SLC14A2: variants seen among roughly 807,000 people sequenced by gnomAD.
SLC14A2 encodes urea transporter 2.
A neutral mutation model predicts 104.6 loss-of-function variants in SLC14A2; 91 were observed. The observed-to-expected ratio is 0.87, with a 90% CI of 0.73 to 1.04. The LOEUF is 1.04. Among genes scored for constraint, SLC14A2 ranks in the 50% least tolerant of loss-of-function variants. SLC14A2 has a pLI of 0.00. For synonymous variants in SLC14A2, 476 were observed against 466.4 expected (o/e 1.02, Z -0.27); for missense variants, 1,189 against 1,156.0 (o/e 1.03, Z -0.41).
chr18:45,455,471 A>G (rs1184880024), intron 1 of SLC14A2, among the ~76,000 whole-genome samples: 1 of 152,026 alleles, frequency 6.6e-6, no homozygotes, highest in Non-Finnish European at 1.5e-5. Flanking sequence ...AGGGAGGGGA[A>G]CATCACACAC....
At chr18:45,221,269 A>C (rs1338767115) in intron 1 of SLC14A2, among the ~76,000 whole-genome samples, 1 of 152,152 alleles carries the variant, frequency 6.6e-6, no homozygotes, top group Non-Finnish European at 1.5e-5. Context: ...AGTCTGCTCC[A>C]TTGTTCTGGA....
intron 4 of SLC14A2, among the ~76,000 whole-genome samples, chr18:45,631,619 A>G (rs1266261701): frequency 6.6e-6 from 1 of 152,160 alleles, no homozygotes; most frequent in African/African-American, 2.4e-5. Flanking sequence ...CCAGCTACAG[A>G]GAATTTTTTG....
intron 8 of SLC14A2, 137 bp downstream of exon 8, chr18:45,641,480 G>C: frequency 1.1e-6 from 1 of 928,524 alleles, no homozygotes; most frequent in Non-Finnish European, 1.7e-6. Context: ...CCTAATGCCA[G>C]TGCTGCCCTT....
intron 1 of SLC14A2, among the ~76,000 whole-genome samples, chr18:45,329,918 A>G (rs1164283612): frequency 1.3e-5 from 2 of 152,198 alleles, no homozygotes; most frequent in Non-Finnish European, 2.9e-5. Context: ...ATACTTGTAA[A>G]CCTATTATCA....
intron 2 of SLC14A2, among the ~76,000 whole-genome samples, chr18:45,569,530 T>C (rs898622452): frequency 6.6e-6 from 1 of 152,184 alleles, no homozygotes. Context: ...TCATATCTCA[T>C]CCCTGGCCAG....
chr18:45,603,776 CA>C (rs2044824751), intron 2 of SLC14A2, among the ~76,000 whole-genome samples: 1 of 152,204 alleles, frequency 6.6e-6, no homozygotes, highest in East Asian at 1.9e-4. Flanking sequence ...TAATTCTTAC[CA>C]GGGGTGCTTG....
chr18:45,437,186 T>A (rs1168529504), intron 1 of SLC14A2, among the ~76,000 whole-genome samples: 2 of 152,200 alleles, frequency 1.3e-5, no homozygotes, highest in African/African-American at 2.4e-5. Context: ...TATTGCCCTT[T>A]CAACATAGTG....
chr18:45,575,734 T>C (rs550018155), intron 2 of SLC14A2, among the ~76,000 whole-genome samples: 1 of 152,182 alleles, frequency 6.6e-6, no homozygotes, highest in East Asian at 1.9e-4. Flanking sequence ...TAAATCAAAA[T>C]AGTTGAAGGC....
chr18:45,205,871 C>T, the SLC14A2 span, among the ~76,000 whole-genome samples: 2 of 152,160 alleles, frequency 1.3e-5, no homozygotes, highest in African/African-American at 2.4e-5. Flanking sequence ...GTTGCTCTCC[C>T]CTTCCATGCT....
chr18:45,379,760 A>C (rs2085813802), intron 1 of SLC14A2, among the ~76,000 whole-genome samples: 1 of 152,130 alleles, frequency 6.6e-6, no homozygotes, highest in African/African-American at 2.4e-5. Context: ...AATCCTCCCC[A>C]CTGAGTCTCC....
At chr18:45,584,729 G>C (rs1398960793) in intron 2 of SLC14A2, among the ~76,000 whole-genome samples, 4 of 152,176 alleles carry the variant, frequency 2.6e-5, no homozygotes, top group Non-Finnish European at 4.4e-5. Flanking sequence ...CTCTAGCTCT[G>C]TGTGAGCTAG....
chr18:45,500,831 C>T (rs1426897427), intron 2 of SLC14A2, among the ~76,000 whole-genome samples: 1 of 152,086 alleles, frequency 6.6e-6, no homozygotes, highest in Non-Finnish European at 1.5e-5. Flanking sequence ...TATCTGGTTT[C>T]GGGAAGAGGT....
At chr18:45,391,019 G>A (rs893952071) in intron 1 of SLC14A2, among the ~76,000 whole-genome samples, 62 of 152,072 alleles carry the variant, frequency 4.1e-4, no homozygotes, top group African/African-American at 1.4e-3. Context: ...ATGTTGGTGT[G>A]CTGCATCCAT....
At chr18:45,278,589 C>G (rs1209571434) in intron 1 of SLC14A2, among the ~76,000 whole-genome samples, 2 of 152,108 alleles carry the variant, frequency 1.3e-5, no homozygotes, top group Non-Finnish European at 2.9e-5. Context: ...AGTGCTGTGC[C>G]AATACAGTCA....
intron 1 of SLC14A2, among the ~76,000 whole-genome samples, chr18:45,237,046 G>A (rs2084261956): frequency 6.6e-6 from 1 of 152,104 alleles, no homozygotes; most frequent in African/African-American, 2.4e-5. Flanking sequence ...CAAGTGAGGA[G>A]ACCCACTATA....
At chr18:45,632,518 C>T (rs776758350) in intron 5 of SLC14A2, 40 bp downstream of exon 5, 65 of 1,604,446 alleles carry the variant, frequency 4.1e-5, no homozygotes, top group Non-Finnish European at 4.5e-5. Flanking sequence ...CTCCATGGGG[C>T]CCCCAAGACA....
chr18:45,335,850 G>A (rs2085333049), intron 1 of SLC14A2, among the ~76,000 whole-genome samples: 1 of 152,148 alleles, frequency 6.6e-6, no homozygotes, highest in African/African-American at 2.4e-5. Context: ...TTGGATAAAT[G>A]GCTCCTTTCA....
chr18:45,583,099 G>A (rs1243707752), intron 2 of SLC14A2, among the ~76,000 whole-genome samples: 1 of 152,232 alleles, frequency 6.6e-6, no homozygotes, highest in Non-Finnish European at 1.5e-5. Context: ...GAAGCAGGAA[G>A]GAGTAGAGCA....
chr18:45,227,773 A>C (rs1310108230), intron 1 of SLC14A2, among the ~76,000 whole-genome samples: 1 of 152,232 alleles, frequency 6.6e-6, no homozygotes, highest in African/African-American at 2.4e-5. Context: ...GTGCAATGTA[A>C]GTACCAATCC....
Sources: allele counts gnomAD v4.1 joint callset (sites outside exome capture counted in the v4.1 genomes callset), GRCh38; gene constraint gnomAD v4.1.1; transcripts MANE v1.5; gene names NCBI Gene and HGNC (gene_info 2026-07-23, HGNC 2026-07-21).